CUBN: variants seen among roughly 807,000 people sequenced by gnomAD.
CUBN encodes the protein cubilin.
In CUBN, 282 loss-of-function variants were observed where a neutral mutation model predicts 405.3. The ratio of observed to expected loss-of-function variants is 0.70; its 90% confidence interval spans 0.63 to 0.77. The LOEUF is 0.77. Among genes scored for constraint, CUBN ranks in the 30% least tolerant of loss-of-function variants. The pLI, the probability that CUBN is intolerant of heterozygous loss-of-function variation, is 0.00. For missense variants in CUBN, 4,514 were observed against 4,475.2 expected (o/e 1.01, Z -0.25); for synonymous variants, 1,684 against 1,617.0 (o/e 1.04, Z -0.99).
At position 16,835,226 on chromosome 10, in the gene CUBN, C is replaced by T. The variant is rs115686202; in HGVS notation, c.10181-31G>A. The T allele has an allele frequency of 1.9e-3, 2,980 of 1,538,462 alleles. 28 individuals carry two copies. In the African/African-American group the frequency reaches 0.032, roughly 16 times the overall value. Reference sequence around the variant, plus strand: ...AGGAAAAATAGGCATAATTAATGTACGCATTCCAATATTTAGTGCTCTTTC... The same window carrying T: ...AGGAAAAATAGGCATAATTAATGTATGCATTCCAATATTTAGTGCTCTTTC... On this transcript the variant is annotated intron_variant, in intron 63 of 66. Coordinates refer to ENST00000377833, the MANE Select transcript of CUBN (RefSeq NM_001081.4).
chr10:16,880,896 C>T (rs1840650095), intron 56 of CUBN, among the ~76,000 whole-genome samples: 1 of 152,088 alleles, frequency 6.6e-6, no homozygotes, highest in Non-Finnish European at 1.5e-5. Flanking sequence ...AAAGACTGAA[C>T]TTCAATGGCC....
At position 17,110,955 on chromosome 10, in the gene CUBN, T is replaced by C; in HGVS notation, c.979A>G (p.Thr327Ala). ...GCCTGGCAGTGGGAAGACCCAGGTG[T>C]ATTCACACACTCAACGGGTGGAGCC... The part of the protein sequence containing the change: ...SVAPPVECVN[T>A]PGSSHCQACP... Residue 327 changes from threonine (T) to alanine (A), a missense_variant, in exon 9 of 67, where the codon ACA becomes GCA. By Grantham distance (58) the Thr-to-Ala change is moderately conservative. Around this residue, in one of 5 missense-constraint regions of CUBN, gnomAD observed 1,448 missense variants for 1,388.0 expected, o/e 1.04. Coordinates refer to ENST00000377833, the MANE Select transcript of CUBN (RefSeq NM_001081.4). The C allele has an allele frequency of 1.2e-6, 2 of 1,614,192 alleles. No individual in the cohort carries two copies. The highest frequency in any genetic ancestry group is 2.2e-5 in the South Asian group (2 of 91,082).
chr10:16,888,718 C>G, intron 55 of CUBN, 152 bp from the exon 56 acceptor site: 2 of 716,842 alleles, frequency 2.8e-6, no homozygotes, highest in South Asian at 3.2e-5. Flanking sequence ...GAATAAAGCT[C>G]TGATTTAAAA....
chr10:16,978,963 T>C (rs577601725), intron 31 of CUBN, among the ~76,000 whole-genome samples: 13 of 152,314 alleles, frequency 8.5e-5, no homozygotes, highest in African/African-American at 2.6e-4. Flanking sequence ...CAAAATCTTC[T>C]TAAGCTGAGA....
intron 57 of CUBN, among the ~76,000 whole-genome samples, chr10:16,876,071 T>C (rs1248314386): frequency 6.6e-6 from 1 of 152,220 alleles, no homozygotes; most frequent in East Asian, 1.9e-4. Context: ...AGTAAATACA[T>C]GTTTTTAGTC....
intron 40 of CUBN, among the ~76,000 whole-genome samples, chr10:16,931,367 C>G (rs557434718): frequency 1.4e-4 from 21 of 152,078 alleles, no homozygotes; most frequent in Non-Finnish European, 2.9e-4. Flanking sequence ...ATAACTATTT[C>G]TTGAATAAAT....
At chr10:16,876,745 T>C (rs953428249) in intron 57 of CUBN, 152 bp downstream of exon 57, 4 of 720,570 alleles carry the variant, frequency 5.6e-6, no homozygotes, top group Non-Finnish European at 9.5e-6. Context: ...AATGTGTATA[T>C]GTATTTTTTA....
chr10:16,844,130 G>A (rs1839438839), intron 60 of CUBN, among the ~76,000 whole-genome samples: 1 of 152,144 alleles, frequency 6.6e-6, no homozygotes, highest in Non-Finnish European at 1.5e-5. Flanking sequence ...TTAGCCAGAT[G>A]TGGTGGCGCA....
intron 17 of CUBN, among the ~76,000 whole-genome samples, chr10:17,080,938 A>G (rs1276667340): frequency 6.6e-6 from 1 of 152,148 alleles, no homozygotes; most frequent in Non-Finnish European, 1.5e-5. Flanking sequence ...GTATTCATTC[A>G]TTTGTAGCCA....
At chr10:16,919,933 A>G (rs745964913) in intron 44 of CUBN, 30 bp downstream of exon 44, 1 of 1,608,106 alleles carries the variant, frequency 6.2e-7, no homozygotes, top group Non-Finnish European at 8.5e-7. Context: ...AACTTGGGGT[A>G]GGAAAAAAAT....
chr10:17,091,598 C>T (rs563348850), intron 14 of CUBN, among the ~76,000 whole-genome samples: 9 of 152,154 alleles, frequency 5.9e-5, no homozygotes, highest in Middle Eastern at 3.4e-3. Flanking sequence ...CATCTAAATA[C>T]TGAACCTAAA....
rs1842838451 is a variant in CUBN, at chr10:16,948,341, G to A, written c.5209+137C>T. 1.8e-5 allele frequency: 19 copies of A among 1,060,976 alleles called. No individual in the cohort carries two copies. The South Asian group carries it at 2.3e-4, about 13-fold the overall frequency. The allele number at this position is 1,060,976 out of a possible 1,614,324, so 65.7% of individuals were successfully genotyped here. On this transcript the variant is annotated intron_variant, in intron 35 of 66. Coordinates refer to ENST00000377833, the MANE Select transcript of CUBN (RefSeq NM_001081.4). The stretch of plus-strand genomic sequence containing the variant: ...ATTGACAACACGATCACTTAATTGG[G>A]AAGAAGGTAAGATTTGGCCCAGAGG...
chr10:17,095,798 C>A (rs1333120775), intron 14 of CUBN, among the ~76,000 whole-genome samples: 1 of 152,084 alleles, frequency 6.6e-6, no homozygotes, highest in African/African-American at 2.4e-5. Flanking sequence ...CTTTCATGTT[C>A]ATTGCAGCAT....
At chr10:16,995,720 A>C (rs144223562) in intron 28 of CUBN, among the ~76,000 whole-genome samples, 2 of 152,350 alleles carry the variant, frequency 1.3e-5, no homozygotes, top group African/African-American at 4.8e-5. Flanking sequence ...GCTATCATGA[A>C]TAGCTAGAGA....
intron 31 of CUBN, among the ~76,000 whole-genome samples, chr10:16,966,555 T>C (rs1843397706): frequency 6.6e-6 from 1 of 152,106 alleles, no homozygotes; most frequent in Admixed American, 6.5e-5. Flanking sequence ...TTCAAGCAAT[T>C]CTCATGTCTC....
chr10:16,908,138 T>G (rs1273593445), intron 48 of CUBN, among the ~76,000 whole-genome samples: 3 of 152,174 alleles, frequency 2.0e-5, no homozygotes, highest in Non-Finnish European at 4.4e-5. Flanking sequence ...CTTTATTTAC[T>G]TTAATTTTTA....
chr10:16,888,371 TTTTG>T (rs778581566), intron 56 of CUBN, 42 bp downstream of exon 56: 11 of 1,475,442 alleles, frequency 7.5e-6, no homozygotes, highest in African/African-American at 4.2e-5. Flanking sequence ...AATATACAAT[TTTTG>T]TTTGTCAATT....
At chr10:17,010,661 T>C (rs186008372) in intron 28 of CUBN, among the ~76,000 whole-genome samples, 5 of 152,084 alleles carry the variant, frequency 3.3e-5, no homozygotes, top group East Asian at 1.9e-4. Flanking sequence ...AATAAATATA[T>C]AAATATCTAC....
At chr10:16,858,789 G>A (rs1839935166) in intron 59 of CUBN, among the ~76,000 whole-genome samples, 1 of 152,200 alleles carries the variant, frequency 6.6e-6, no homozygotes, top group Non-Finnish European at 1.5e-5. Flanking sequence ...CATAATCAAT[G>A]GAATAGAATA....
Sources: gnomAD v4.1 joint callset for allele counts (sites outside exome capture counted in the v4.1 genomes callset) on GRCh38, gnomAD v4.1.1 for gene constraint, gnomAD v4.1.1 regional missense constraint, MANE v1.5 for transcripts, NCBI Gene and HGNC (gene_info 2026-07-23, HGNC 2026-07-21) for gene names.